FMNL3: variants seen among roughly 807,000 people sequenced by gnomAD.
The protein encoded by FMNL3 is formin like 3.
Under a neutral mutation model 119.6 loss-of-function variants are expected in FMNL3, and 57 were observed. That is an observed-to-expected ratio of 0.48 (90% CI 0.39 to 0.59). FMNL3 has a LOEUF of 0.59. Among genes scored for constraint, FMNL3 ranks in the 20% least tolerant of loss-of-function variants. The pLI, the probability that FMNL3 is intolerant of heterozygous loss-of-function variation, is 0.00. For missense variants in FMNL3, 1,053 were observed against 1,323.5 expected (o/e 0.80, Z 3.17); for synonymous variants, 491 against 507.3 (o/e 0.97, Z 0.43).
rs1327240460 is a variant in FMNL3, at chr12:49,648,333, G to A, written c.2536C>T (p.Leu846=). ...AAAVSLENVL[L]DVKELGRGME... ...CCCCGGCCCAGCTCCTTCACGTCCA[G>A]CAGCACGTTCTCCAGGGACACTGGT... Residue 846 remains leucine (L), a synonymous_variant, in exon 22 of 26, where the codon CTG becomes TTG. Transcript: ENST00000335154. 1 of 1,612,682 alleles carries A rather than the reference G, an allele frequency of 6.2e-7. No homozygotes were observed. The highest frequency in any genetic ancestry group is 1.7e-5 in the Admixed American group (1 of 59,868).
chr12:49,699,672 AT>A (rs1463079679), intron 1 of FMNL3, among the ~76,000 whole-genome samples: 6 of 152,256 alleles, frequency 3.9e-5, no homozygotes, highest in Admixed American at 3.9e-4. Flanking sequence ...TACGTGAAAA[AT>A]ATTTTATAAT....
rs57905415 is a variant in FMNL3 at position 49,665,764 on chromosome 12, C to G, written c.368+68G>C. Reference sequence around the variant, plus strand: ...ACAGGAACACCATCCTCAGAGGACACCAGACCCTGTGTGCCCAGCCAGCAG... The same window carrying G: ...ACAGGAACACCATCCTCAGAGGACAGCAGACCCTGTGTGCCCAGCCAGCAG... On this transcript the variant is annotated intron_variant, in intron 4 of 25. Transcript: ENST00000335154. 2,782 of 1,519,942 alleles carry G rather than the reference C, an allele frequency of 1.8e-3. 41 individuals carry two copies. The African/African-American group carries it at 0.032, about 18-fold the overall frequency. 94.2% of individuals were successfully genotyped at this position (1,519,942 alleles called of 1,614,324 possible). A position where few individuals can be genotyped will look rare whatever the true frequency, so the allele number is the denominator to read the frequency against.
intron 1 of FMNL3, among the ~76,000 whole-genome samples, chr12:49,682,044 A>G (rs1249990842): frequency 6.6e-6 from 1 of 151,668 alleles, no homozygotes; most frequent in African/African-American, 2.4e-5. Context: ...TTCTAAGTAC[A>G]TACGCAAAAT....
chr12:49,671,756 T>C (rs2138886576), intron 1 of FMNL3, among the ~76,000 whole-genome samples: 1 of 152,318 alleles, frequency 6.6e-6, no homozygotes, highest in African/African-American at 2.4e-5. Context: ...TTCCTTGACA[T>C]TTTTTCTTCA....
chr12:49,685,037 T>C (rs77846541), intron 1 of FMNL3, among the ~76,000 whole-genome samples: 1 of 152,134 alleles, frequency 6.6e-6, no homozygotes, highest in African/African-American at 2.4e-5. Flanking sequence ...AGGGCTGGCA[T>C]TGAAATGAGA....
intron 1 of FMNL3, among the ~76,000 whole-genome samples, chr12:49,700,797 G>A (rs930234720): frequency 1.3e-5 from 2 of 149,578 alleles, no homozygotes; most frequent in Non-Finnish European, 3.0e-5. Flanking sequence ...TCATGATACT[G>A]GGCCGGGCGC....
intron 1 of FMNL3, among the ~76,000 whole-genome samples, chr12:49,682,325 C>T (rs1167311808): frequency 6.6e-6 from 1 of 151,976 alleles, no homozygotes; most frequent in Non-Finnish European, 1.5e-5. Context: ...CTGCCTCGGC[C>T]TCCCAAAGTG....
rs1466929318 is a variant in FMNL3 at position 49,641,695 on chromosome 12, GCT to G, written c.*4118_*4119del. ...TGGGAGACATCTCCCAACCCCTTCAGCTCTGTGTGACATCCAAACCAAGGGTA... is the reference window on the plus strand; with the variant it reads ...TGGGAGACATCTCCCAACCCCTTCAGCTGTGTGACATCCAAACCAAGGGTA... On this transcript the variant is annotated 3_prime_UTR_variant, in exon 26 of 26. Coordinates refer to ENST00000335154, the MANE Select transcript of FMNL3 (RefSeq NM_175736.5). 3 of 574,582 alleles carry G rather than the reference GCT, an allele frequency of 5.2e-6. No homozygotes were observed. The highest frequency in any genetic ancestry group is 3.7e-5 in the African/African-American group (2 of 53,510). 35.6% of individuals were successfully genotyped at this position (574,582 alleles called of 1,614,324 possible). A position where few individuals can be genotyped will look rare whatever the true frequency, so the allele number is the denominator to read the frequency against.
chr12:49,651,037 A>G lies in FMNL3; in HGVS notation c.1797+131T>C. The G allele has an allele frequency of 2.7e-6, 4 of 1,468,810 alleles. No homozygotes were observed. In the Admixed American group the frequency reaches 7.3e-5, roughly 27 times the overall value. 91.0% of individuals were successfully genotyped at this position (1,468,810 alleles called of 1,614,324 possible). A position where few individuals can be genotyped will look rare whatever the true frequency, so the allele number is the denominator to read the frequency against. On this transcript the variant is annotated intron_variant, in intron 16 of 25. Transcript: ENST00000335154. ...ACAACTAGAAATATACGTACACTCA[A>G]GAATGAAGGGTTGGTGGAGCTAAGC...
Position 49,642,482 on chromosome 12 carries a change from CTTCCT to C in FMNL3, c.*3328_*3332del. 5.1e-6 allele frequency: 8 copies of C among 1,575,514 alleles called. No individual in the cohort carries two copies. The highest frequency in any genetic ancestry group is 7.0e-6 in the Non-Finnish European group (8 of 1,147,816). On this transcript the variant is annotated 3_prime_UTR_variant, in exon 26 of 26. Transcript: ENST00000335154. This position sits in a 1 kb window ranked among gnomAD's most constrained non-coding sequence, Gnocchi z 5.8. ...ACAGCCCTGGGCCAGCTCCAGTTCC[CTTCCT>C]TTCTCTGCCCCAGCCCTGCCCTGTG...
At chr12:49,646,542 G>T in intron 25 of FMNL3, 1 of 952,738 alleles carries the variant, frequency 1.0e-6, no homozygotes, top group Non-Finnish European at 1.5e-6. Context: ...CTGCCAGAGG[G>T]TGATTGCAAG....
In FMNL3 at chr12:49,639,647, CATAAG is replaced by C. The variant is rs1197419419; in HGVS notation, c.*6163_*6167del. The stretch of plus-strand genomic sequence containing the variant: ...ATCTTTTTTATGCATAAAGGTTCTA[CATAAG>C]ATTTCTATTTTAATAAACTGTTTCT... On this transcript the variant is annotated 3_prime_UTR_variant, in exon 26 of 26. Coordinates refer to ENST00000335154, the MANE Select transcript of FMNL3 (RefSeq NM_175736.5). The C allele has an allele frequency of 7.9e-5, 12 of 151,406 alleles. No homozygotes were observed. In the East Asian group the frequency reaches 2.1e-3, roughly 27 times the overall value. The allele number at this position is 151,406 out of a possible 1,614,324, so 9.4% of individuals were successfully genotyped here.
At position 49,643,868 on chromosome 12, in the gene FMNL3, C is replaced by T. The variant is rs1021760978; in HGVS notation, c.*1947G>A. ...GGCTCTGGACTCTTACAGAATAGTC[C>T]TGAGAGTGAGACAGACCCTGAGGAG... On this transcript the variant is annotated 3_prime_UTR_variant, in exon 26 of 26. Transcript: ENST00000335154. The T allele has an allele frequency of 1.9e-6, 3 of 1,614,040 alleles. No individual in the cohort carries two copies. The African/African-American group carries it at 4.0e-5, about 22-fold the overall frequency.
At position 49,643,644 on chromosome 12, in the gene FMNL3, C is replaced by A; in HGVS notation, c.*2171G>T. On this transcript the variant is annotated 3_prime_UTR_variant, in exon 26 of 26. Coordinates refer to ENST00000335154, the MANE Select transcript of FMNL3 (RefSeq NM_175736.5). ...GAGGGGCTAGAACAAAGAAAAAGAG[C>A]CTGTCTTTCTCCTGTTGGGACTTAG... The A allele has an allele frequency of 6.3e-7, 1 of 1,578,900 alleles. No individual in the cohort carries two copies. Among genetic ancestry groups the A allele is most frequent in the Non-Finnish European group, 8.6e-7 (1 of 1,158,334 alleles).
At chr12:49,671,071 G>A (rs1592669159) in intron 1 of FMNL3, among the ~76,000 whole-genome samples, 1 of 152,244 alleles carries the variant, frequency 6.6e-6, no homozygotes, top group South Asian at 2.1e-4. Flanking sequence ...GGAGGAGGGG[G>A]CAGCCTGTCA....
At chr12:49,663,845 A>G (rs1162759492) in intron 4 of FMNL3, among the ~76,000 whole-genome samples, 1 of 152,244 alleles carries the variant, frequency 6.6e-6, no homozygotes, top group Non-Finnish European at 1.5e-5. Context: ...TAATCAAGAA[A>G]ACAAGGCTAG....
chr12:49,691,569 G>A (rs967903432), intron 1 of FMNL3, among the ~76,000 whole-genome samples: 7 of 152,192 alleles, frequency 4.6e-5, no homozygotes, highest in Admixed American at 3.3e-4. Flanking sequence ...CAGCTTCAGC[G>A]CAAAAGAGCA....
At position 49,642,521 on chromosome 12, in the gene FMNL3, G is replaced by T; in HGVS notation, c.*3294C>A. 6.3e-7 allele frequency: 1 copy of T among 1,592,572 alleles called. No homozygotes were observed. The highest frequency in any genetic ancestry group is 1.1e-5 in the South Asian group (1 of 90,268). ...CCCAGCCCTGCCCTGTGCTCATGGC[G>T]GTGTCCAGGCCAGGCTGAGTGGGGC... On this transcript the variant is annotated 3_prime_UTR_variant, in exon 26 of 26. Transcript: ENST00000335154. This position sits in a 1 kb window ranked among gnomAD's most constrained non-coding sequence, Gnocchi z 5.8.
intron 1 of FMNL3, among the ~76,000 whole-genome samples, chr12:49,684,833 A>G (rs931931569): frequency 2.6e-5 from 4 of 152,232 alleles, no homozygotes; most frequent in Admixed American, 6.5e-5. Context: ...CCTGAGGATA[A>G]TGAGTGCTTA....
Sources: gnomAD v4.1 joint callset for allele counts (sites outside exome capture counted in the v4.1 genomes callset) on GRCh38, gnomAD v4.1.1 for gene constraint, Gnocchi (gnomAD v3.1) non-coding constraint, MANE v1.5 for transcripts, NCBI Gene and HGNC (gene_info 2026-07-23, HGNC 2026-07-21) for gene names.